The following HMBOX1 variants were observed in gnomAD, a reference collection of about 807,000 sequenced individuals.
The protein encoded by HMBOX1 is homeobox containing 1, also known as homeobox-containing protein 1.
Under a neutral mutation model 54.5 loss-of-function variants are expected in HMBOX1, and 14 were observed. The ratio of observed to expected loss-of-function variants is 0.26; its 90% CI spans 0.17 to 0.40. The LOEUF is 0.40. Ranked by LOEUF, HMBOX1 falls within the 10% of genes least tolerant of loss-of-function variation. The pLI, the probability that HMBOX1 is intolerant of heterozygous loss-of-function variation, is 1.00. For synonymous variants in HMBOX1, 160 were observed against 181.0 expected (o/e 0.88, Z 0.93); for missense variants, 332 against 514.4 (o/e 0.65, Z 3.43).
At chr8:29,023,686 T>A (rs895934876) in intron 6 of HMBOX1, among the ~76,000 whole-genome samples, 2 of 152,094 alleles carry the variant, frequency 1.3e-5, no homozygotes, top group Non-Finnish European at 2.9e-5. Context: ...ATAGGTGTGA[T>A]CCACCGCTAC....
At chr8:28,985,931 T>C (rs755550626) in intron 4 of HMBOX1, among the ~76,000 whole-genome samples, 2 of 145,656 alleles carry the variant, frequency 1.4e-5, no homozygotes, top group Admixed American at 1.4e-4. Context: ...GAACCTACAC[T>C]GACACGTCAT....
chr8:28,932,599 TCAAGAA>T (rs760081690), intron 1 of HMBOX1, among the ~76,000 whole-genome samples: 10 of 152,244 alleles, frequency 6.6e-5, no homozygotes, highest in Non-Finnish European at 1.5e-4. Context: ...TATCAAACCT[TCAAGAA>T]CAAAACCTTT....
chr8:29,017,736 C>T (rs1835246311), intron 5 of HMBOX1, among the ~76,000 whole-genome samples: 1 of 152,114 alleles, frequency 6.6e-6, no homozygotes, highest in Non-Finnish European at 1.5e-5. Flanking sequence ...TAAGAGAATA[C>T]ATCTAAAGAT....
At chr8:29,016,852 T>TGA (rs1835099687) in intron 5 of HMBOX1, among the ~76,000 whole-genome samples, 1 of 152,240 alleles carries the variant, frequency 6.6e-6, no homozygotes, top group Admixed American at 6.5e-5. Flanking sequence ...TCATAGTGTC[T>TGA]TCTGTATTCT....
chr8:28,991,861 A>G (rs1328772823), intron 4 of HMBOX1, among the ~76,000 whole-genome samples: 10 of 152,140 alleles, frequency 6.6e-5, no homozygotes, highest in African/African-American at 7.2e-5. Context: ...GCACCCTCTT[A>G]GCTAACCTTC....
At chr8:28,988,898 G>C (rs778356726) in intron 4 of HMBOX1, among the ~76,000 whole-genome samples, 3 of 151,952 alleles carry the variant, frequency 2.0e-5, no homozygotes, top group Admixed American at 6.6e-5. Context: ...CTTTCAAAGA[G>C]CAAATGTTTT....
chr8:29,049,309 A>G (rs529020327), intron 9 of HMBOX1: 32 of 1,536,214 alleles, frequency 2.1e-5, no homozygotes, highest in Middle Eastern at 1.7e-4. Flanking sequence ...CAAGTACGCA[A>G]TGGGGAGGAG....
chr8:28,954,508 C>T (rs1824051086), intron 1 of HMBOX1, among the ~76,000 whole-genome samples: 1 of 152,128 alleles, frequency 6.6e-6, no homozygotes, highest in South Asian at 2.1e-4. Flanking sequence ...TTTAAATATT[C>T]TGTCCTTTCT....
At chr8:28,917,477 A>G (rs1585773838) in intron 1 of HMBOX1, among the ~76,000 whole-genome samples, 1 of 152,282 alleles carries the variant, frequency 6.6e-6, no homozygotes, top group East Asian at 1.9e-4. Context: ...GATTTTCTAC[A>G]TGACAATCAC....
intron 6 of HMBOX1, among the ~76,000 whole-genome samples, chr8:29,028,638 T>C (rs1272881040): frequency 6.6e-6 from 1 of 152,232 alleles, no homozygotes; most frequent in Non-Finnish European, 1.5e-5. Context: ...ACAACTGCAG[T>C]GCAACTTGCC....
At chr8:29,039,635 T>A (rs929712940) in intron 6 of HMBOX1, among the ~76,000 whole-genome samples, 1 of 152,200 alleles carries the variant, frequency 6.6e-6, no homozygotes, top group Non-Finnish European at 1.5e-5. Context: ...CATATTTTTT[T>A]GGGCTTAAAT....
intron 4 of HMBOX1, among the ~76,000 whole-genome samples, chr8:28,993,765 C>G: frequency 6.6e-6 from 1 of 152,178 alleles, no homozygotes; most frequent in East Asian, 1.9e-4. Flanking sequence ...TCATTGTGCT[C>G]TCTGATACCA....
At chr8:28,912,183 A>G (rs993284460) in intron 1 of HMBOX1, among the ~76,000 whole-genome samples, 12 of 152,212 alleles carry the variant, frequency 7.9e-5, no homozygotes, top group Admixed American at 2.6e-4. Flanking sequence ...TGTGTATTCA[A>G]CATAACAATA....
rs146709259 is a variant in HMBOX1 at position 28,929,731 on chromosome 8, A to C, written c.-57-34080A>C. Among the ~76,000 whole-genome samples the C allele has an allele frequency of 2.8e-3, 427 of 152,206 alleles. 4 individuals are homozygous for C. Among genetic ancestry groups the C allele is most frequent in the Middle Eastern group, 0.01 (3 of 294 alleles). On this transcript the variant is annotated intron_variant, in intron 1 of 9. Coordinates refer to ENST00000287701, the MANE Select transcript of HMBOX1 (RefSeq NM_001135726.3). The stretch of plus-strand genomic sequence containing the variant: ...TGTTGAATATGCATGTCTGGAGCTC[A>C]CAGGAAATTTCCGAGTTGGAGAAAT...
intron 1 of HMBOX1, among the ~76,000 whole-genome samples, chr8:28,935,570 A>C (rs1278840399): frequency 3.3e-5 from 5 of 152,202 alleles, no homozygotes; most frequent in Non-Finnish European, 7.3e-5. Context: ...CCTAAACCTA[A>C]GAGGTGGAAG....
intron 1 of HMBOX1, among the ~76,000 whole-genome samples, chr8:28,945,944 C>CTTTTTT (rs58698981): frequency 7.7e-6 from 1 of 129,252 alleles, no homozygotes; most frequent in African/African-American, 2.8e-5. Flanking sequence ...AGGGCATATT[C>CTTTTTT]TTTTTTTTTT....
intron 5 of HMBOX1, among the ~76,000 whole-genome samples, chr8:29,010,723 C>T (rs1834117130): frequency 6.6e-6 from 1 of 151,942 alleles, no homozygotes; most frequent in Non-Finnish European, 1.5e-5. Flanking sequence ...ATAATAATTT[C>T]ATATTATCAT....
chr8:29,037,924 A>T (rs929401994), intron 6 of HMBOX1, among the ~76,000 whole-genome samples: 1 of 152,180 alleles, frequency 6.6e-6, no homozygotes, highest in Admixed American at 6.5e-5. Context: ...AGAAATACAC[A>T]CTGAATTGTA....
At chr8:28,907,044 ATAAT>A (rs74675487) in intron 1 of HMBOX1, among the ~76,000 whole-genome samples, 12,763 of 152,304 alleles carry the variant, frequency 0.084, 665 homozygotes, top group South Asian at 0.24. Context: ...TATTTGAAAA[ATAAT>A]TAAATGGCTT....
Sources: allele counts gnomAD v4.1 joint callset (sites outside exome capture counted in the v4.1 genomes callset), GRCh38; gene constraint gnomAD v4.1.1; transcripts MANE v1.5; gene names NCBI Gene and HGNC (gene_info 2026-07-23, HGNC 2026-07-21).